SLC22A2: variants seen among roughly 807,000 people sequenced by gnomAD.
SLC22A2 encodes the protein solute carrier family 22 member 2.
A neutral mutation model predicts 60.5 loss-of-function variants in SLC22A2; 46 were observed. The ratio of observed to expected loss-of-function variants is 0.76; its 90% CI spans 0.60 to 0.97. SLC22A2 has a LOEUF of 0.97. Among genes scored for constraint, SLC22A2 ranks in the 50% least tolerant of loss-of-function variants. SLC22A2 has a pLI of 0.00. For synonymous variants in SLC22A2, 303 were observed against 267.0 expected, an observed-to-expected ratio of 1.13 and a Z score of -1.31; for missense variants, 701 against 706.6, an observed-to-expected ratio of 0.99 and a Z score of 0.09.
intron 2 of SLC22A2, among the ~76,000 whole-genome samples, 173 bp from the exon 3 acceptor site, chr6:160,250,875 G>A (rs755768836): frequency 2.4e-4 from 37 of 152,170 alleles, no homozygotes; most frequent in Admixed American, 1.8e-3. Context: ...TCCAGGTCCA[G>A]GTAGCACTTT....
At chr6:160,245,305 C>G (rs887823231) in intron 6 of SLC22A2, 134 bp downstream of exon 6, 2 of 525,430 alleles carry the variant, frequency 3.8e-6, no homozygotes, top group African/African-American at 3.9e-5. Context: ...GGAAAACCTA[C>G]CAGACACAAC....
At chr6:160,254,558 A>G (rs534815620) in intron 2 of SLC22A2, among the ~76,000 whole-genome samples, 101 of 152,332 alleles carry the variant, frequency 6.6e-4, no homozygotes, top group Non-Finnish European at 1.3e-3. Context: ...TTCTTGTCCT[A>G]TTGTATAAAA....
intron 10 of SLC22A2, among the ~76,000 whole-genome samples, chr6:160,219,366 T>TAGCAGCAGCAACAACAGC: frequency 1.2e-5 from 1 of 81,518 alleles, no homozygotes; most frequent in South Asian, 4.7e-4. Context: ...AAAATGACAA[T>TAGCAGCAGCAACAACAGC]AGCAGCAGCA....
In SLC22A2 at chr6:160,256,721, C is replaced by T. The variant is rs780363947; in HGVS notation, c.415-4G>A. The T allele has an allele frequency of 6.3e-7, 1 of 1,599,830 alleles. No homozygotes were observed. The highest frequency in any genetic ancestry group is 2.2e-5 in the East Asian group (1 of 44,810). On this transcript the variant is annotated splice_region_variant and splice_polypyrimidine_tract_variant and intron_variant, in intron 1 of 10. Coordinates refer to ENST00000366953, the MANE Select transcript of SLC22A2 (RefSeq NM_003058.4). ...AGTTGGCACATACCAGGTTAAACTGCCAGCAGGGGAGAAGTGTTCCAAGTT... is the reference window on the plus strand; with the variant it reads ...AGTTGGCACATACCAGGTTAAACTGTCAGCAGGGGAGAAGTGTTCCAAGTT...
intron 10 of SLC22A2, among the ~76,000 whole-genome samples, chr6:160,221,731 G>C (rs1782647488): frequency 6.6e-6 from 1 of 152,208 alleles, no homozygotes; most frequent in African/African-American, 2.4e-5. Context: ...GGAATGCTCA[G>C]TGTGTGGAAC....
intron 2 of SLC22A2, among the ~76,000 whole-genome samples, chr6:160,252,193 T>C (rs1218176607): frequency 6.6e-6 from 1 of 152,194 alleles, no homozygotes; most frequent in Non-Finnish European, 1.5e-5. Context: ...TTTTTAGCAT[T>C]TCTTCCCACA....
chr6:160,221,028 T>C (rs967100822), intron 10 of SLC22A2, among the ~76,000 whole-genome samples: 5 of 152,232 alleles, frequency 3.3e-5, no homozygotes, highest in Admixed American at 2.0e-4. Context: ...CCTTCGAGCT[T>C]TGAAACCAGA....
At chr6:160,248,268 G>A (rs1331441424) in intron 4 of SLC22A2, among the ~76,000 whole-genome samples, 1 of 152,162 alleles carries the variant, frequency 6.6e-6, no homozygotes, top group Non-Finnish European at 1.5e-5. Flanking sequence ...ACCATGTGAG[G>A]GCCCACAAGT....
At chr6:160,239,210 T>C (rs1782959952) in intron 9 of SLC22A2, among the ~76,000 whole-genome samples, 1 of 152,140 alleles carries the variant, frequency 6.6e-6, no homozygotes, top group South Asian at 2.1e-4. Context: ...GATGCCATGG[T>C]GATGTCCGGA....
intron 1 of SLC22A2, among the ~76,000 whole-genome samples, chr6:160,257,391 AC>A (rs1783291588): frequency 6.6e-6 from 1 of 151,978 alleles, no homozygotes; most frequent in South Asian, 2.1e-4. Context: ...AGGTCAGGAG[AC>A]CCATCTTTTA....
chr6:160,226,649 T>C lies in SLC22A2; in HGVS notation c.1502-1845A>G, dbSNP rs1002510971. On this transcript the variant is annotated intron_variant, in intron 9 of 10. Coordinates refer to ENST00000366953, the MANE Select transcript of SLC22A2 (RefSeq NM_003058.4). Reference sequence around the variant, plus strand: ...TTGGAATCTCGGAGCCTACTCTGGCTCAGGAGGCTGCCTGATTCTCGAATC... The same window carrying C: ...TTGGAATCTCGGAGCCTACTCTGGCCCAGGAGGCTGCCTGATTCTCGAATC... Among the ~76,000 whole-genome samples, 4 of 152,220 alleles carry C rather than the reference T, an allele frequency of 2.6e-5. No homozygotes were observed. In the South Asian group the frequency reaches 8.3e-4, roughly 32 times the overall value.
intron 9 of SLC22A2, among the ~76,000 whole-genome samples, chr6:160,232,860 T>C (rs896830095): frequency 1.3e-5 from 2 of 151,898 alleles, no homozygotes; most frequent in Non-Finnish European, 2.9e-5. Context: ...AACTTCCACA[T>C]ATTAATCTTT....
intron 10 of SLC22A2, among the ~76,000 whole-genome samples, chr6:160,223,167 A>T (rs1330756221): frequency 6.6e-6 from 1 of 152,272 alleles, no homozygotes; most frequent in East Asian, 1.9e-4. Context: ...AAATAAAAAT[A>T]TCTAAACATA....
chr6:160,226,989 C>T (rs927083507), intron 9 of SLC22A2, among the ~76,000 whole-genome samples: 2 of 152,118 alleles, frequency 1.3e-5, no homozygotes, highest in Admixed American at 6.5e-5. Context: ...AAATTCCAGC[C>T]TGACCATAGA....
Position 160,258,740 on chromosome 6 carries a change from G to T in SLC22A2, c.18C>A (p.Asp6Glu). ...ACTCCCCTCCATGCTCCAGGACATCGTCCACGGTGGTGGGCATGATCCTGC... is the reference window on the plus strand; with the variant it reads ...ACTCCCCTCCATGCTCCAGGACATCTTCCACGGTGGTGGGCATGATCCTGC... MPTTVDDVLEHGGEFH... is the reference protein window; with the variant it reads MPTTVEDVLEHGGEFH... The change falls in exon 1 of 11, where the codon GAC becomes GAA. Residue 6 changes from aspartate to glutamate, a missense_variant. Asp to Glu is a conservative substitution (Grantham distance 45). Transcript: ENST00000366953. 2 of 1,562,076 alleles carry T rather than the reference G, an allele frequency of 1.3e-6. No individual in the cohort carries two copies. The highest frequency in any genetic ancestry group is 1.7e-6 in the Non-Finnish European group (2 of 1,151,646).
chr6:160,252,955 G>A (rs187601564), intron 2 of SLC22A2, among the ~76,000 whole-genome samples: 99 of 152,298 alleles, frequency 6.5e-4, no homozygotes, highest in African/African-American at 2.3e-3. Flanking sequence ...AGTGGTGAAC[G>A]TGTTTTGGAA....
At chr6:160,240,620 G>A (rs1183062645) in intron 9 of SLC22A2, among the ~76,000 whole-genome samples, 1 of 152,122 alleles carries the variant, frequency 6.6e-6, no homozygotes, top group Non-Finnish European at 1.5e-5. Flanking sequence ...CAACCTCCAG[G>A]CTTAGTCTTC....
chr6:160,227,591 A>G (rs1177749496), intron 9 of SLC22A2, among the ~76,000 whole-genome samples: 1 of 152,242 alleles, frequency 6.6e-6, no homozygotes, highest in Non-Finnish European at 1.5e-5. Flanking sequence ...TTTGGTCAGA[A>G]TGTGGTCACT....
In SLC22A2 at chr6:160,258,586, C is replaced by T. The variant is rs138397321; in HGVS notation, c.172G>A (p.Glu58Lys). ...CTCCAGCCGCAGCGCAGACTCAGCT[C>T]GGCCACTCCGGGGCTCCGGCAGCGG... The part of the protein sequence containing the change: ...DHRCRSPGVA[E>K]LSLRCGWSPA... Residue 58 changes from glutamate to lysine, a missense_variant, in exon 1 of 11, where the codon GAG becomes AAG. Transcript: ENST00000366953. 5.5e-5 allele frequency: 89 copies of T among 1,613,726 alleles called. No homozygotes were observed. The highest frequency in any genetic ancestry group is 8.9e-5 in the East Asian group (4 of 44,894).
Sources: allele counts gnomAD v4.1 joint callset (sites outside exome capture counted in the v4.1 genomes callset), GRCh38; gene constraint gnomAD v4.1.1; transcripts MANE v1.5; gene names NCBI Gene and HGNC (gene_info 2026-07-23, HGNC 2026-07-21).